Variants in PTPRN2 observed in about 807,000 individuals in gnomAD.
PTPRN2 encodes the protein receptor-type tyrosine-protein phosphatase N2.
In PTPRN2, 74 loss-of-function variants were observed where a neutral mutation model predicts 118.8. The ratio of observed to expected loss-of-function variants is 0.62; its 90% CI spans 0.52 to 0.76. The LOEUF (loss-of-function observed/expected upper bound fraction) is 0.76, where lower values mean the gene tolerates loss of function less well. Ranked by LOEUF, PTPRN2 falls within the 30% of genes least tolerant of loss-of-function variation. PTPRN2 has a pLI of 0.00. For synonymous variants in PTPRN2, 641 were observed against 608.0 expected (o/e 1.05, Z -0.80); for missense variants, 1,481 against 1,394.4 (o/e 1.06, Z -0.99).
intron 22 of PTPRN2, among the ~76,000 whole-genome samples, chr7:157,547,196 G>T (rs1028812503): frequency 3.9e-5 from 6 of 152,198 alleles, no homozygotes; most frequent in African/African-American, 1.4e-4. Context: ...ACCTGCCTGA[G>T]GTGGCTCTCG....
chr7:157,878,049 G>A (rs1288149176), intron 12 of PTPRN2, among the ~76,000 whole-genome samples: 4 of 152,260 alleles, frequency 2.6e-5, no homozygotes, highest in Non-Finnish European at 5.9e-5. Context: ...CCGGCTCTCT[G>A]ACTCTGAAGG....
chr7:157,586,375 AGTCACT>A (rs1800676575), intron 17 of PTPRN2, among the ~76,000 whole-genome samples: 1 of 152,158 alleles, frequency 6.6e-6, no homozygotes, highest in African/African-American at 2.4e-5. Context: ...CTCTCGCACC[AGTCACT>A]GTCCAGGGGG....
chr7:157,616,808 G>A (rs1002371639), intron 15 of PTPRN2: 2 of 151,756 alleles, frequency 1.3e-5, no homozygotes, highest in African/African-American at 2.4e-5. Context: ...AGTAACCAAG[G>A]CAAAATATTC....
intron 12 of PTPRN2, among the ~76,000 whole-genome samples, chr7:157,751,282 G>C (rs555950314): frequency 6.6e-6 from 1 of 152,200 alleles, no homozygotes; most frequent in Non-Finnish European, 1.5e-5. Context: ...TCCAGTTTGC[G>C]CGCACTGGAC....
At chr7:157,592,559 G>A (rs778322553) in intron 17 of PTPRN2, among the ~76,000 whole-genome samples, 53 of 149,498 alleles carry the variant, frequency 3.5e-4, no homozygotes, top group Middle Eastern at 3.6e-3. Flanking sequence ...CACACAGGAC[G>A]GAGGGTGGAT....
intron 11 of PTPRN2, among the ~76,000 whole-genome samples, chr7:158,078,308 A>G (rs1377329091): frequency 1.3e-5 from 2 of 152,216 alleles, no homozygotes; most frequent in Admixed American, 6.5e-5. Context: ...AGACGCCAGC[A>G]GCCATTGGGC....
intron 3 of PTPRN2, among the ~76,000 whole-genome samples, chr7:158,245,452 C>A (rs906653849): frequency 3.9e-5 from 6 of 152,208 alleles, no homozygotes; most frequent in Non-Finnish European, 8.8e-5. Context: ...AGTGATGAGG[C>A]CATCAGAAGC....
chr7:157,660,371 G>A (rs1795828087), intron 13 of PTPRN2, among the ~76,000 whole-genome samples: 3 of 152,146 alleles, frequency 2.0e-5, no homozygotes, highest in Admixed American at 2.0e-4. Context: ...GCCATGGAGG[G>A]TGAAGCCACC....
chr7:158,389,772 G>C (rs535464206), intron 2 of PTPRN2, among the ~76,000 whole-genome samples: 1 of 152,328 alleles, frequency 6.6e-6, no homozygotes, highest in East Asian at 1.9e-4. Context: ...TGGGCTAAAC[G>C]CAAGTTCTGT....
At chr7:158,391,218 T>A (rs1448317192) in intron 2 of PTPRN2, among the ~76,000 whole-genome samples, 1 of 152,222 alleles carries the variant, frequency 6.6e-6, no homozygotes, top group Non-Finnish European at 1.5e-5. Context: ...GACATTGACT[T>A]CCATTCCCTG....
At chr7:158,516,920 G>A (rs1398157618) in intron 1 of PTPRN2, among the ~76,000 whole-genome samples, 1 of 152,138 alleles carries the variant, frequency 6.6e-6, no homozygotes, top group African/African-American at 2.4e-5. Context: ...TGGTGTTTCT[G>A]CTATTCCTGT....
chr7:158,152,089 G>A (rs1022392120), intron 6 of PTPRN2, among the ~76,000 whole-genome samples: 5 of 145,556 alleles, frequency 3.4e-5, no homozygotes, highest in Non-Finnish European at 6.0e-5. Flanking sequence ...CAGGAGAATG[G>A]TGTGAACCCG....
Position 157,813,323 on chromosome 7 carries a change from C to T in PTPRN2, c.1788+85350G>A, listed in dbSNP as rs575223837. On this transcript the variant is annotated intron_variant, in intron 12 of 22. Transcript: ENST00000389418. This position sits in a 1 kb window ranked among gnomAD's most constrained non-coding sequence, Gnocchi z 4.7. ...GTGAGTCCAGCCAGTGCTGGGAAGC[C>T]GGTGTGGCTAGGACAACAAAGACCA... Among the ~76,000 whole-genome samples, 80 of 152,196 alleles carry T rather than the reference C, an allele frequency of 5.3e-4. 1 individual carries two copies. Among genetic ancestry groups the T allele is most frequent in the African/African-American group, 1.7e-3 (70 of 41,508 alleles).
At chr7:157,960,841 T>C (rs1402530096) in intron 11 of PTPRN2, among the ~76,000 whole-genome samples, 1 of 151,668 alleles carries the variant, frequency 6.6e-6, no homozygotes. Flanking sequence ...ACCCCGTCTC[T>C]ACTAAAAATA....
intron 19 of PTPRN2, among the ~76,000 whole-genome samples, chr7:157,575,409 C>T (rs1563226080): frequency 6.6e-6 from 1 of 152,244 alleles, no homozygotes; most frequent in Admixed American, 6.5e-5. Context: ...GATCTACGCT[C>T]TGCGTCCCCA....
At position 158,395,297 on chromosome 7, in the gene PTPRN2, G is replaced by C. The variant is rs1233509414; in HGVS notation, c.164-78365C>G. Reference sequence around the variant, plus strand: ...TCCCTGCACAAGTGAGGGGTGAGGGGTGAGGGGCGAGGGGTGAGGGGCGAG... The same window carrying C: ...TCCCTGCACAAGTGAGGGGTGAGGGCTGAGGGGCGAGGGGTGAGGGGCGAG... On this transcript the variant is annotated intron_variant, in intron 2 of 22. Transcript: ENST00000389418. Among the ~76,000 whole-genome samples, 61 of 141,200 alleles carry C rather than the reference G, an allele frequency of 4.3e-4. 1 individual carries two copies. Among genetic ancestry groups the C allele is most frequent in the African/African-American group, 1.5e-3 (58 of 37,982 alleles). The allele number at this position is 141,200 out of a possible 152,430, so 92.6% of individuals were successfully genotyped here.
At chr7:158,094,384 A>T (rs1814454293) in intron 10 of PTPRN2, among the ~76,000 whole-genome samples, 1 of 152,034 alleles carries the variant, frequency 6.6e-6, no homozygotes, top group Non-Finnish European at 1.5e-5. Context: ...ATCTCGGCTC[A>T]CTGCAACCTC....
At chr7:158,417,199 TAA>T (rs1362806164) in intron 2 of PTPRN2, among the ~76,000 whole-genome samples, 1 of 152,018 alleles carries the variant, frequency 6.6e-6, no homozygotes, top group Non-Finnish European at 1.5e-5. Flanking sequence ...CCTGCTGTGT[TAA>T]GTCACAGTGC....
intron 17 of PTPRN2, among the ~76,000 whole-genome samples, chr7:157,580,119 CT>C (rs1800267620): frequency 6.6e-6 from 1 of 152,168 alleles, no homozygotes; most frequent in African/African-American, 2.4e-5. Flanking sequence ...TTGACTTGGT[CT>C]TTGCTGACAG....
Sources: allele counts gnomAD v4.1 joint callset (sites outside exome capture counted in the v4.1 genomes callset), GRCh38; gene constraint gnomAD v4.1.1; non-coding constraint Gnocchi (gnomAD v3.1); transcripts MANE v1.5; gene names NCBI Gene and HGNC (gene_info 2026-07-23, HGNC 2026-07-21).